PHACTR2: variants seen among roughly 807,000 people sequenced by gnomAD.
PHACTR2 encodes chromosome 6 open reading frame 56.
PHACTR2 carries 30 observed loss-of-function variants against 76.0 expected under a neutral mutation model. That is an observed-to-expected ratio of 0.39 (90% CI 0.30 to 0.54). The LOEUF (loss-of-function observed/expected upper bound fraction) is 0.54. PHACTR2 is among the 20% of genes least tolerant of loss of function. PHACTR2 has a pLI of 0.61. For missense variants in PHACTR2, 696 were observed against 781.1 expected (o/e 0.89, Z 1.30); for synonymous variants, 292 against 292.5 (o/e 1.00, Z 0.02).
chr6:143,681,343 A>G (rs1777384267), intron 1 of PHACTR2, among the ~76,000 whole-genome samples: 1 of 152,072 alleles, frequency 6.6e-6, no homozygotes, highest in Admixed American at 6.6e-5. Context: ...CTTTTCCCTA[A>G]TTACTAATGA....
At chr6:143,651,853 T>TA (rs1223161864) in intron 1 of PHACTR2, among the ~76,000 whole-genome samples, 8 of 150,038 alleles carry the variant, frequency 5.3e-5, no homozygotes, top group African/African-American at 1.5e-4. Context: ...AAATTTAAAA[T>TA]AAAAAAATAT....
chr6:143,544,826 C>A (rs546087051), intron 1 of PHACTR2, among the ~76,000 whole-genome samples: 4 of 152,100 alleles, frequency 2.6e-5, no homozygotes, highest in African/African-American at 9.7e-5. Flanking sequence ...AAAAATAGTT[C>A]TTTTGACATT....
Position 143,570,614 on chromosome 6 carries a change from C to T in PHACTR2, c.217+33407C>T, listed in dbSNP as rs1400187388. Among the ~76,000 whole-genome samples the T allele has an allele frequency of 1.3e-5, 2 of 152,014 alleles. No homozygotes were observed. Among genetic ancestry groups the T allele is most frequent in the Non-Finnish European group, 2.9e-5 (2 of 68,002 alleles). On this transcript the variant is annotated intron_variant, in intron 1 of 11. Transcript: ENST00000367584. This position sits in a 1 kb window ranked among gnomAD's most constrained non-coding sequence, Gnocchi z 4.6. ...GCAACTCACCCCAGGTGTGGCAGGC[C>T]CCTCCCCACTCTCCTGGGGCTCTCC...
rs1775204013 is a variant in PHACTR2 at position 143,557,955 on chromosome 6, C to T, written c.217+20748C>T. The T allele has an allele frequency of 6.6e-6, 1 of 152,140 alleles. No homozygotes were observed. Among genetic ancestry groups the T allele is most frequent in the African/African-American group, 2.4e-5 (1 of 41,398 alleles). 9.4% of individuals were successfully genotyped at this position (152,140 alleles called of 1,614,324 possible). On this transcript the variant is annotated intron_variant, in intron 1 of 11. Coordinates refer to the PHACTR2 transcript ENST00000367584. This position sits in a 1 kb window ranked among gnomAD's most constrained non-coding sequence, Gnocchi z 5.5. ...TTTCTCATTCCTGCCTCAGCAATAC[C>T]CTTGAAGGATGGATGGGATCCTTCA...
chr6:143,764,171 T>C lies in PHACTR2; in HGVS notation c.695-1090T>C, dbSNP rs543908943. ...TTAAGGAAGATCACATTTGCGAAGG[T>C]GGAGTCAGAAGACCTGAGAATGATA... On this transcript the variant is annotated intron_variant, in intron 5 of 12. Transcript: ENST00000440869. This position sits in a 1 kb window ranked among gnomAD's most constrained non-coding sequence, Gnocchi z 4.7. Among the ~76,000 whole-genome samples the C allele has an allele frequency of 6.6e-6, 1 of 152,242 alleles. No individual in the cohort carries two copies. The highest frequency in any genetic ancestry group is 1.9e-4 in the East Asian group (1 of 5,190).
Position 143,772,578 on chromosome 6 carries a change from C to T in PHACTR2, c.1432+121C>T. 1 of 716,098 alleles carries T rather than the reference C, an allele frequency of 1.4e-6. No individual in the cohort carries two copies. The highest frequency in any genetic ancestry group is 2.7e-5 in the East Asian group (1 of 36,610). 44.4% of individuals were successfully genotyped at this position (716,098 alleles called of 1,614,324 possible). The stretch of plus-strand genomic sequence containing the variant: ...CTGATGTTTTCTTTCCCCTCATCCT[C>T]CTTTCTCAAATTAGAAATGTGTATA... On this transcript the variant is annotated intron_variant, in intron 7 of 12. Coordinates refer to ENST00000440869, the MANE Select transcript of PHACTR2 (RefSeq NM_001100164.2). The surrounding 1 kb of genome is among the most constrained non-coding windows in gnomAD (Gnocchi z 5.4).
intron 2 of PHACTR2, 37 bp from the exon 3 acceptor site, chr6:143,748,948 T>G (rs753279172): frequency 9.7e-7 from 1 of 1,026,292 alleles, no homozygotes; most frequent in Non-Finnish European, 1.5e-6. Flanking sequence ...TCTTAAGGAA[T>G]GACTTGATTC....
In PHACTR2 at chr6:143,602,963, G is replaced by T. The variant is rs1775828012; in HGVS notation, c.217+65756G>T. Among the ~76,000 whole-genome samples, 1 of 151,980 alleles carries T rather than the reference G, an allele frequency of 6.6e-6. No homozygotes were observed. The highest frequency in any genetic ancestry group is 2.4e-5 in the African/African-American group (1 of 41,364). Reference sequence around the variant, plus strand: ...AGTTTGAGACCAGCCTGGCCAACATGGCAAAACCCCGTCTCTACTAAAAAT... The same window carrying T: ...AGTTTGAGACCAGCCTGGCCAACATTGCAAAACCCCGTCTCTACTAAAAAT... On this transcript the variant is annotated intron_variant, in intron 1 of 11. Coordinates refer to the PHACTR2 transcript ENST00000367584. The surrounding 1 kb of genome is among the most constrained non-coding windows in gnomAD (Gnocchi z 6.1).
chr6:143,601,481 T>A (rs996568438), intron 1 of PHACTR2, among the ~76,000 whole-genome samples: 1 of 152,252 alleles, frequency 6.6e-6, no homozygotes, highest in Non-Finnish European at 1.5e-5. Flanking sequence ...CACACTAGAC[T>A]GACACCTAAG....
In PHACTR2 at chr6:143,543,652, G is replaced by A. The variant is rs548772823; in HGVS notation, c.217+6445G>A. On this transcript the variant is annotated intron_variant, in intron 1 of 11. Coordinates refer to the PHACTR2 transcript ENST00000367584. The surrounding 1 kb of genome is among the most constrained non-coding windows in gnomAD (Gnocchi z 4.7). ...TGTTTGGGGATGGGAAACAGTACAT[G>A]TAAAAGGCCTGAAACAAACTGGCAT... Among the ~76,000 whole-genome samples, 53 of 152,300 alleles carry A rather than the reference G, an allele frequency of 3.5e-4. No individual in the cohort carries two copies. Among genetic ancestry groups the A allele is most frequent in the African/African-American group, 1.2e-3 (48 of 41,566 alleles).
chr6:143,795,393 A>C lies in PHACTR2; in HGVS notation c.1845+6483A>C, dbSNP rs1227460073. On this transcript the variant is annotated intron_variant, in intron 11 of 12. Coordinates refer to ENST00000440869, the MANE Select transcript of PHACTR2 (RefSeq NM_001100164.2). The surrounding 1 kb of genome is among the most constrained non-coding windows in gnomAD (Gnocchi z 4.8). ...TGTGCCACTGCACTGCAGCCTGGGC[A>C]ACAGAATGAGACCCTGTCTCTAAAA... 6.6e-6 allele frequency among the ~76,000 whole-genome samples: 1 copy of C among 152,232 alleles called. No individual in the cohort carries two copies. The highest frequency in any genetic ancestry group is 1.5e-5 in the Non-Finnish European group (1 of 68,034).
rs992117660 is a variant in PHACTR2 at position 143,644,337 on chromosome 6, G to A, written c.13+36015G>A. On this transcript the variant is annotated intron_variant, in intron 1 of 11. Transcript: ENST00000305766. ...AAAAGAATGAGCCGGGCATGGTGGC[G>A]GGCGCTTGTAGTCCCAGCTACTCAG... is the stretch of plus-strand genomic sequence containing the variant. 1.6e-4 allele frequency among the ~76,000 whole-genome samples: 25 copies of A among 151,948 alleles called. 1 individual carries two copies. The South Asian group carries it at 2.5e-3, about 15-fold the overall frequency.
chr6:143,742,227 C>A lies in PHACTR2; in HGVS notation c.215-6758C>A, dbSNP rs1412156470. ...TCATTGGCTCATGTAACTGAAAAATCCAGGGGCAGAAAACCTTCAGGCGTG... is the reference window on the plus strand; with the variant it reads ...TCATTGGCTCATGTAACTGAAAAATACAGGGGCAGAAAACCTTCAGGCGTG... On this transcript the variant is annotated intron_variant, in intron 2 of 12. Transcript: ENST00000440869. The surrounding 1 kb of genome is among the most constrained non-coding windows in gnomAD (Gnocchi z 4.5). Among the ~76,000 whole-genome samples, 2 of 152,118 alleles carry A rather than the reference C, an allele frequency of 1.3e-5. No individual in the cohort carries two copies. Among genetic ancestry groups the A allele is most frequent in the East Asian group, 3.9e-4 (2 of 5,178 alleles).
chr6:143,789,101 T>G lies in PHACTR2; in HGVS notation c.1845+191T>G. ...TCAATGTAGTTCTTTCAACTAAGTC[T>G]CAGAGAAAAGTAGTTATTTACCATA... On this transcript the variant is annotated intron_variant, in intron 11 of 12. Coordinates refer to ENST00000440869, the MANE Select transcript of PHACTR2 (RefSeq NM_001100164.2). The surrounding 1 kb of genome is among the most constrained non-coding windows in gnomAD (Gnocchi z 5.1). The G allele has an allele frequency of 2.1e-6, 1 of 471,292 alleles. No individual in the cohort carries two copies. Among genetic ancestry groups the G allele is most frequent in the Non-Finnish European group, 3.8e-6 (1 of 264,378 alleles). 29.2% of individuals were successfully genotyped at this position (471,292 alleles called of 1,614,324 possible). A position where few individuals can be genotyped will look rare whatever the true frequency, so the allele number is the denominator to read the frequency against.
At position 143,807,120 on chromosome 6, in the gene PHACTR2, C is replaced by T. The variant is rs1776082586; in HGVS notation, c.1909C>T (p.Arg637Ter). 3 of 1,600,424 alleles carry T rather than the reference C, an allele frequency of 1.9e-6. No homozygotes were observed. The highest frequency in any genetic ancestry group is 1.7e-6 in the Non-Finnish European group (2 of 1,168,972). Residue 637 changes from arginine to a stop codon, truncating the protein, a stop_gained, in exon 12 of 13, where the codon CGA becomes TGA. Transcript: ENST00000440869. LOFTEE classifies it high-confidence loss of function. The surrounding 1 kb of genome is among the most constrained non-coding windows in gnomAD (Gnocchi z 5.5). ...STEMEVHEESRQFTRFHRP is the reference protein window; with the variant it reads ...STEMEVHEES ...AGAAATGGAAGTTCATGAAGAGAGT[C>T]GACAGTTTACAAGGTAGGTGACAAA... is the stretch of plus-strand genomic sequence containing the variant.
In PHACTR2 at chr6:143,621,165, T is replaced by C. The variant is rs1776146240; in HGVS notation, c.13+12843T>C. Among the ~76,000 whole-genome samples, 1 of 152,062 alleles carries C rather than the reference T, an allele frequency of 6.6e-6. No homozygotes were observed. Among genetic ancestry groups the C allele is most frequent in the Non-Finnish European group, 1.5e-5 (1 of 68,006 alleles). ...TGGAAATCCAGTTTCAGAGAAGGGA[T>C]TGGAGGATTGGGTAGGGAATGTGGA... On this transcript the variant is annotated intron_variant, in intron 1 of 11. Coordinates refer to the PHACTR2 transcript ENST00000305766. The surrounding 1 kb of genome is among the most constrained non-coding windows in gnomAD (Gnocchi z 4.1).
At chr6:143,607,713 T>C (rs1775900250), upstream of PHACTR2, among the ~76,000 whole-genome samples, 1 of 152,142 alleles carries the variant, frequency 6.6e-6, no homozygotes, top group South Asian at 2.1e-4. Context: ...TTAAAGATAG[T>C]CTTTATTTTT....
rs190209005 is a variant in PHACTR2 at position 143,572,550 on chromosome 6, T to C, written c.217+35343T>C. ...TTGTTTTTTTGTTTTGTTTTGGTCA[T>C]TGTGGTTGTTGTTGTTTTTGAAATG... is the stretch of plus-strand genomic sequence containing the variant. On this transcript the variant is annotated intron_variant, in intron 1 of 11. Transcript: ENST00000367584. 3.0e-3 allele frequency among the ~76,000 whole-genome samples: 450 copies of C among 152,318 alleles called. 2 individuals carry two copies. The highest frequency in any genetic ancestry group is 0.01 in the African/African-American group (424 of 41,566).
rs542730783 is a variant in PHACTR2, at chr6:143,759,305, T to C, written c.455-1096T>C. ...TAATTATTTGGTTTACATTACAAAA[T>C]AGACCTAAGTATTTCTTCGATTCGG... On this transcript the variant is annotated intron_variant, in intron 4 of 12. Transcript: ENST00000440869. Among the ~76,000 whole-genome samples the C allele has an allele frequency of 6.6e-5, 10 of 152,322 alleles. No homozygotes were observed. In the South Asian group the frequency reaches 1.9e-3, roughly 28 times the overall value.
Sources: gnomAD v4.1 joint callset for allele counts (sites outside exome capture counted in the v4.1 genomes callset) on GRCh38, gnomAD v4.1.1 for gene constraint, Gnocchi (gnomAD v3.1) non-coding constraint, MANE v1.5 for transcripts, NCBI Gene and HGNC (gene_info 2026-07-23, HGNC 2026-07-21) for gene names.